Variants in MYLK4 observed in about 807,000 individuals in gnomAD.
MYLK4 encodes caMLCK like.
MYLK4 carries 46 observed loss-of-function variants against 48.1 expected under a neutral mutation model. The observed-to-expected ratio is 0.96, with a 90% confidence interval of 0.75 to 1.22. MYLK4 has a LOEUF of 1.22. MYLK4 is among the 50% of genes most tolerant of loss of function. The pLI, the probability that MYLK4 is intolerant of heterozygous loss-of-function variation, is 0.00. For missense variants in MYLK4, 451 were observed against 486.1 expected, an observed-to-expected ratio of 0.93 and a Z score of 0.68; for synonymous variants, 170 against 180.8, an observed-to-expected ratio of 0.94 and a Z score of 0.48.
rs1168806428 is a variant in MYLK4, at chr6:2,679,887, G to A, written c.758+334C>T. Among the ~76,000 whole-genome samples, 7 of 152,202 alleles carry A rather than the reference G, an allele frequency of 4.6e-5. 1 individual carries two copies. The highest frequency in any genetic ancestry group is 2.6e-4 in the Admixed American group (4 of 15,290). The stretch of plus-strand genomic sequence containing the variant: ...CAGAACCCTTTGCAAACTTGCTTAC[G>A]TTGTTAATATTTTTAAAGTAAATCT... On this transcript the variant is annotated intron_variant, in intron 8 of 12. Coordinates refer to ENST00000274643, the MANE Select transcript of MYLK4 (RefSeq NM_001012418.5).
rs116480672 is a variant in MYLK4, at chr6:2,737,014, A to G, written c.159+12122T>C. On this transcript the variant is annotated intron_variant, in intron 2 of 12. Coordinates refer to ENST00000274643, the MANE Select transcript of MYLK4 (RefSeq NM_001012418.5). ...CTCTGCCTTCTCTCATGTTCTACGAAGCCTATGTTGCTAAGTTCTTATGCA... is the reference window on the plus strand; with the variant it reads ...CTCTGCCTTCTCTCATGTTCTACGAGGCCTATGTTGCTAAGTTCTTATGCA... Among the ~76,000 whole-genome samples the G allele has an allele frequency of 3.2e-3, 493 of 152,360 alleles. 2 individuals are homozygous for G. The highest frequency in any genetic ancestry group is 0.011 in the African/African-American group (466 of 41,582).
the MYLK4 span, among the ~76,000 whole-genome samples, chr6:2,763,594 A>C: frequency 6.6e-6 from 1 of 152,148 alleles, no homozygotes; most frequent in Non-Finnish European, 1.5e-5. Context: ...CCCACCCGGA[A>C]CTCGCGCTGG....
At chr6:2,743,816 T>C (rs1763976759) in intron 2 of MYLK4, 1 of 396,506 alleles carries the variant, frequency 2.5e-6, no homozygotes, top group Non-Finnish European at 4.4e-6. Context: ...ATGCATTCCA[T>C]TTACTTTGGC....
intron 7 of MYLK4, among the ~76,000 whole-genome samples, chr6:2,681,329 A>C (rs1761293068): frequency 6.6e-6 from 1 of 152,176 alleles, no homozygotes; most frequent in Non-Finnish European, 1.5e-5. Context: ...TCAATAGTAC[A>C]TTTGGTTGGG....
At chr6:2,734,215 T>C (rs1047378217) in intron 2 of MYLK4, among the ~76,000 whole-genome samples, 7 of 152,224 alleles carry the variant, frequency 4.6e-5, no homozygotes, top group Admixed American at 3.9e-4. Context: ...ATCTCACAGG[T>C]TGTTCCCCTA....
chr6:2,765,036 G>C, the MYLK4 span, among the ~76,000 whole-genome samples: 2 of 152,096 alleles, frequency 1.3e-5, no homozygotes, highest in East Asian at 3.9e-4. Context: ...AGCCCAGCAC[G>C]GAAGGCCGGG....
chr6:2,713,570 T>A (rs1287060269), intron 2 of MYLK4, among the ~76,000 whole-genome samples: 3 of 152,120 alleles, frequency 2.0e-5, no homozygotes, highest in African/African-American at 4.8e-5. Flanking sequence ...AGGAGTCGCA[T>A]CCATGCATGG....
At chr6:2,689,071 C>A in intron 3 of MYLK4, 115 bp from the exon 4 acceptor site, 1 of 759,662 alleles carries the variant, frequency 1.3e-6, no homozygotes, top group South Asian at 1.6e-5. Context: ...TACAAGGAGC[C>A]ATCTGTTTGA....
At chr6:2,693,789 C>G in intron 2 of MYLK4, among the ~76,000 whole-genome samples, 1 of 143,664 alleles carries the variant, frequency 7.0e-6, no homozygotes, top group Admixed American at 7.1e-5. Context: ...TGGAGTTTCG[C>G]TCTTGTTGCC....
chr6:2,766,514 C>G, the MYLK4 span: 2 of 1,434,258 alleles, frequency 1.4e-6, no homozygotes, highest in Non-Finnish European at 1.8e-6. Context: ...GGTCGGAGAG[C>G]CGGGTGTGCT....
rs184864671 is a variant in MYLK4, at chr6:2,749,346, C to T, written c.-52G>A. 2 of 1,450,060 alleles carry T rather than the reference C, an allele frequency of 1.4e-6. No homozygotes were observed. The highest frequency in any genetic ancestry group is 2.4e-5 in the South Asian group (2 of 83,688). 89.8% of individuals were successfully genotyped at this position (1,450,060 alleles called of 1,614,324 possible). ...TTTCTGGAGTGTGGTTTTCGTCTCC[C>T]TCTGTCTCCGATTTATAAATCAGGA... On this transcript the variant is annotated 5_prime_UTR_variant, in exon 2 of 13. Transcript: ENST00000274643.
intron 12 of MYLK4, among the ~76,000 whole-genome samples, chr6:2,670,470 G>A (rs1760842033): frequency 6.6e-6 from 1 of 152,142 alleles, no homozygotes; most frequent in Non-Finnish European, 1.5e-5. Flanking sequence ...AAATGGCTGT[G>A]GACTCCCCAC....
Position 2,685,260 on chromosome 6 carries a change from TG to T in MYLK4, c.545+35del. On this transcript the variant is annotated intron_variant, in intron 6 of 12. Transcript: ENST00000274643. This position sits in a 1 kb window ranked among gnomAD's most constrained non-coding sequence, Gnocchi z 4.5. ...GCACGGTCACGGTCATGAGTGCCCT[TG>T]GGGAGGTCAGGGAGGGGGCGGAGGG... The T allele has an allele frequency of 6.7e-7, 1 of 1,492,898 alleles. No individual in the cohort carries two copies. Among genetic ancestry groups the T allele is most frequent in the Non-Finnish European group, 9.3e-7 (1 of 1,072,618 alleles). 92.5% of individuals were successfully genotyped at this position (1,492,898 alleles called of 1,614,324 possible).
At chr6:2,739,025 G>A (rs1763797772) in intron 2 of MYLK4, among the ~76,000 whole-genome samples, 1 of 152,180 alleles carries the variant, frequency 6.6e-6, no homozygotes, top group Admixed American at 6.5e-5. Flanking sequence ...TCTACAAAGA[G>A]ACCCAAGCAC....
the MYLK4 span, among the ~76,000 whole-genome samples, chr6:2,763,027 A>T: frequency 7.9e-5 from 12 of 152,242 alleles, no homozygotes; most frequent in African/African-American, 2.7e-4. Context: ...CTCCATCGCC[A>T]GCTCTAGCAG....
At chr6:2,718,196 A>G (rs148480137) in intron 2 of MYLK4, among the ~76,000 whole-genome samples, 23,463 of 147,778 alleles carry the variant, frequency 0.16, 2,018 homozygotes, top group Middle Eastern at 0.23. Flanking sequence ...AAAAAAAAAA[A>G]AAAAAGAAAA....
chr6:2,763,417 G>T, the MYLK4 span, among the ~76,000 whole-genome samples: 1 of 152,232 alleles, frequency 6.6e-6, no homozygotes, highest in African/African-American at 2.4e-5. Flanking sequence ...CTTGGGCCGC[G>T]CAGGAGTCCC....
At chr6:2,746,521 T>C (rs774115020) in intron 2 of MYLK4, among the ~76,000 whole-genome samples, 1 of 152,216 alleles carries the variant, frequency 6.6e-6, no homozygotes, top group East Asian at 1.9e-4. Flanking sequence ...TAAATCTATA[T>C]AAAATTCTTC....
the MYLK4 span, chr6:2,766,482 C>T: frequency 2.0e-6 from 3 of 1,464,412 alleles, no homozygotes; most frequent in South Asian, 2.7e-5. Flanking sequence ...CCGTAGTTAT[C>T]TCGGCGGTGG....
Sources: gnomAD v4.1 joint callset for allele counts (sites outside exome capture counted in the v4.1 genomes callset) on GRCh38, gnomAD v4.1.1 for gene constraint, Gnocchi (gnomAD v3.1) non-coding constraint, MANE v1.5 for transcripts, NCBI Gene and HGNC (gene_info 2026-07-23, HGNC 2026-07-21) for gene names.